MARCHF6: variants seen among roughly 807,000 people sequenced by gnomAD.
MARCHF6 encodes the protein E3 ubiquitin-protein ligase MARCHF6.
A neutral mutation model predicts 133.7 loss-of-function variants in MARCHF6; 31 were observed. The observed-to-expected ratio is 0.23, with a 90% CI of 0.17 to 0.31. The LOEUF (loss-of-function observed/expected upper bound fraction) is 0.31, where lower values mean the gene tolerates loss of function less well. Ranked by LOEUF, MARCHF6 falls within the 10% of genes least tolerant of loss-of-function variation. The probability of loss-of-function intolerance (pLI) is 1.00; values close to 1 mark genes in which losing one functional copy is unlikely to be tolerated. For missense variants in MARCHF6, 723 were observed against 1,121.6 expected, an observed-to-expected ratio of 0.64 and a Z score of 5.08; for synonymous variants, 395 against 402.5, an observed-to-expected ratio of 0.98 and a Z score of 0.22.
chr5:10,365,315 T>A (rs879743284), intron 1 of MARCHF6, among the ~76,000 whole-genome samples: 2 of 152,014 alleles, frequency 1.3e-5, no homozygotes, highest in Admixed American at 6.6e-5. Flanking sequence ...TATTATTATT[T>A]TTGAGACAGA....
intron 4 of MARCHF6, 69 bp from the exon 5 acceptor site, chr5:10,386,925 T>C: frequency 8.5e-7 from 1 of 1,182,346 alleles, no homozygotes; most frequent in Non-Finnish European, 1.3e-6. Flanking sequence ...TTACCTCTGC[T>C]TTCTTGAGCA....
intron 1 of MARCHF6, chr5:10,354,591 C>G (rs1268818604): frequency 5.3e-5 from 8 of 152,238 alleles, no homozygotes; most frequent in Non-Finnish European, 4.4e-5. Context: ...ATTGAACAAA[C>G]TGACCCTTGT....
chr5:10,415,083 T>C (rs778891437), intron 20 of MARCHF6, among the ~76,000 whole-genome samples: 3 of 152,242 alleles, frequency 2.0e-5, no homozygotes, highest in Non-Finnish European at 4.4e-5. Context: ...TTATTTGTAA[T>C]GTTTCTACAT....
chr5:10,364,438 G>T (rs1182767163), intron 1 of MARCHF6, among the ~76,000 whole-genome samples: 1 of 152,146 alleles, frequency 6.6e-6, no homozygotes, highest in Admixed American at 6.5e-5. Flanking sequence ...CTGATAGTGT[G>T]GCAGGAGCTA....
chr5:10,404,319 T>A (rs1373196954), intron 15 of MARCHF6, among the ~76,000 whole-genome samples: 1 of 152,084 alleles, frequency 6.6e-6, no homozygotes, highest in East Asian at 1.9e-4. Context: ...CCACCCACCT[T>A]GGCCTCCCAA....
At chr5:10,430,454 C>T (rs1740310234) in intron 25 of MARCHF6, among the ~76,000 whole-genome samples, 1 of 152,026 alleles carries the variant, frequency 6.6e-6, no homozygotes. Flanking sequence ...TACAGGTGTG[C>T]ACCACCATGC....
Position 10,394,775 on chromosome 5 carries a change from T to C in MARCHF6, c.851T>C (p.Leu284Pro). ...WERMLGLDGSLVFLEHVFWVV... is the reference protein window; with the variant it reads ...WERMLGLDGSPVFLEHVFWVV... The stretch of plus-strand genomic sequence containing the variant: ...TAGATGCTAGGACTTGATGGATCAC[T>C]AGTTTTTCTGGTAAGTAAAACTAAT... Residue 284 changes from leucine (L) to proline (P), a missense_variant, in exon 9 of 26, where the codon CTA becomes CCA. Leu to Pro is a moderately conservative substitution (Grantham distance 98). This residue lies in a region of MARCHF6 where 43 missense variants were observed against 97.9 expected (regional missense o/e 0.44). Coordinates refer to ENST00000274140, the MANE Select transcript of MARCHF6 (RefSeq NM_005885.4). 1 of 1,584,630 alleles carries C rather than the reference T, an allele frequency of 6.3e-7. No individual in the cohort carries two copies. The highest frequency in any genetic ancestry group is 8.6e-7 in the Non-Finnish European group (1 of 1,159,508).
At chr5:10,428,717 T>C (rs1005135501) in intron 24 of MARCHF6, among the ~76,000 whole-genome samples, 9 of 152,214 alleles carry the variant, frequency 5.9e-5, no homozygotes, top group Non-Finnish European at 7.3e-5. Flanking sequence ...ACTGGTTTTG[T>C]CTAGAGTAGG....
intron 6 of MARCHF6, among the ~76,000 whole-genome samples, chr5:10,390,856 C>T (rs1737786655): frequency 6.6e-6 from 1 of 152,174 alleles, no homozygotes; most frequent in Non-Finnish European, 1.5e-5. Flanking sequence ...AATGTATTTT[C>T]ATCCCTGATG....
Position 10,436,502 on chromosome 5 carries a change from T to C in MARCHF6, c.*2818T>C, listed in dbSNP as rs528277077. 1 of 152,110 alleles carries C rather than the reference T, an allele frequency of 6.6e-6. No individual in the cohort carries two copies. Among genetic ancestry groups the C allele is most frequent in the South Asian group, 2.1e-4 (1 of 4,834 alleles). The allele number at this position is 152,110 out of a possible 1,614,324, so 9.4% of individuals were successfully genotyped here. A position where few individuals can be genotyped will look rare whatever the true frequency, so the allele number is the denominator to read the frequency against. On this transcript the variant is annotated 3_prime_UTR_variant, in exon 26 of 26. Coordinates refer to ENST00000274140, the MANE Select transcript of MARCHF6 (RefSeq NM_005885.4). ...AATTTTTTTTTAAATTATACTATTA[T>C]TTTGCTTAATTTTATATTGGGTTAA...
intron 1 of MARCHF6, among the ~76,000 whole-genome samples, chr5:10,355,190 T>C (rs981406795): frequency 4.6e-5 from 7 of 152,234 alleles, no homozygotes; most frequent in Non-Finnish European, 7.3e-5. Context: ...AGTGTGTTTA[T>C]TATATACACT....
rs532029652 is a variant in MARCHF6, at chr5:10,392,084, G to A, written c.766+353G>A. Among the ~76,000 whole-genome samples, 45 of 151,172 alleles carry A rather than the reference G, an allele frequency of 3.0e-4. No individual in the cohort carries two copies. In the South Asian group the frequency reaches 8.7e-3, roughly 29 times the overall value. ...CGCCATTCTCCGGCCTCAGCCTCCC[G>A]AGTAGCTGGGACAACAGGCGCTCGC... On this transcript the variant is annotated intron_variant, in intron 7 of 25. Transcript: ENST00000274140.
chr5:10,354,596 C>T (rs1172331033), intron 1 of MARCHF6: 11 of 152,094 alleles, frequency 7.2e-5, no homozygotes, highest in Admixed American at 5.9e-4. Flanking sequence ...ACAAACTGAC[C>T]CTTGTAAAAT....
At chr5:10,389,895 A>T (rs190297759) in intron 5 of MARCHF6, among the ~76,000 whole-genome samples, 5 of 152,332 alleles carry the variant, frequency 3.3e-5, no homozygotes, top group Admixed American at 1.3e-4. Flanking sequence ...AACATGTGTA[A>T]AATAAAGATA....
intron 1 of MARCHF6, among the ~76,000 whole-genome samples, chr5:10,365,531 C>A (rs1436529832): frequency 1.3e-5 from 2 of 152,018 alleles, no homozygotes; most frequent in Admixed American, 1.3e-4. Context: ...AACTGCCGAC[C>A]TCAGGTGATC....
At chr5:10,385,512 C>T (rs1313493208) in intron 4 of MARCHF6, among the ~76,000 whole-genome samples, 4 of 152,002 alleles carry the variant, frequency 2.6e-5, no homozygotes, top group South Asian at 4.1e-4. Context: ...TTCTCTGTTA[C>T]GAGAGAGCTT....
chr5:10,371,353 T>C (rs1053622958), intron 1 of MARCHF6, among the ~76,000 whole-genome samples: 6 of 152,024 alleles, frequency 3.9e-5, no homozygotes, highest in Non-Finnish European at 7.4e-5. Flanking sequence ...TTAGTCTGTT[T>C]TCATGCTGCT....
chr5:10,394,060 T>C lies in MARCHF6; in HGVS notation c.767-22T>C, dbSNP rs370842659. The C allele has an allele frequency of 7.1e-5, 101 of 1,417,544 alleles. No individual in the cohort carries two copies. In the African/African-American group the frequency reaches 1.2e-3, roughly 17 times the overall value. 87.8% of individuals were successfully genotyped at this position (1,417,544 alleles called of 1,614,324 possible). On this transcript the variant is annotated intron_variant, in intron 7 of 25. Coordinates refer to ENST00000274140, the MANE Select transcript of MARCHF6 (RefSeq NM_005885.4). ...TATTATTTTTACTTCAAGTAATCTT[T>C]AAATTGCAATTATATTTTCAGATGA...
chr5:10,426,836 T>C (rs1740113126), intron 24 of MARCHF6, among the ~76,000 whole-genome samples: 1 of 152,212 alleles, frequency 6.6e-6, no homozygotes. Context: ...TGTGATCATA[T>C]AAAATTAAGT....
Sources: gnomAD v4.1 joint callset for allele counts (sites outside exome capture counted in the v4.1 genomes callset) on GRCh38, gnomAD v4.1.1 for gene constraint, gnomAD v4.1.1 regional missense constraint, MANE v1.5 for transcripts, NCBI Gene and HGNC (gene_info 2026-07-23, HGNC 2026-07-21) for gene names.